Variants in KLHL1 observed in about 807,000 individuals in gnomAD.
KLHL1 encodes the protein kelch like family member 1.
A neutral mutation model predicts 77.7 loss-of-function variants in KLHL1; 47 were observed. That is an observed-to-expected ratio of 0.60 (90% CI 0.48 to 0.77). The LOEUF is 0.77. Among genes scored for constraint, KLHL1 ranks in the 30% least tolerant of loss-of-function variants. The pLI, the probability that KLHL1 is intolerant of heterozygous loss-of-function variation, is 0.00. For synonymous variants in KLHL1, 360 were observed against 325.2 expected (o/e 1.11, Z -1.15); for missense variants, 925 against 910.8 (o/e 1.02, Z -0.20).
At chr13:70,054,204 A>G (rs1010494707) in intron 1 of KLHL1, among the ~76,000 whole-genome samples, 2 of 152,138 alleles carry the variant, frequency 1.3e-5, no homozygotes, top group African/African-American at 2.4e-5. Flanking sequence ...ATGCTAAGAG[A>G]CAGTAATAAT....
intron 1 of KLHL1, among the ~76,000 whole-genome samples, chr13:70,023,884 C>T (rs1330508808): frequency 6.6e-6 from 1 of 151,814 alleles, no homozygotes; most frequent in Non-Finnish European, 1.5e-5. Flanking sequence ...GTTGGGTTGT[C>T]CCCTCTTAGT....
At chr13:69,811,776 A>G (rs2138063221) in intron 6 of KLHL1, among the ~76,000 whole-genome samples, 1 of 152,260 alleles carries the variant, frequency 6.6e-6, no homozygotes, top group African/African-American at 2.4e-5. Flanking sequence ...TATTGAGTCT[A>G]TTTGATTCTT....
intron 7 of KLHL1, among the ~76,000 whole-genome samples, chr13:69,788,499 C>G (rs556775792): frequency 2.0e-5 from 3 of 151,004 alleles, no homozygotes; most frequent in African/African-American, 7.3e-5. Flanking sequence ...CATCACACTT[C>G]GGGGACTGTT....
intron 4 of KLHL1, among the ~76,000 whole-genome samples, chr13:69,890,990 G>A (rs1378036227): frequency 6.6e-6 from 1 of 151,936 alleles, no homozygotes; most frequent in African/African-American, 2.4e-5. Context: ...CAGGTTTAAC[G>A]GTGTTTTCCT....
At chr13:69,998,401 T>C (rs1051015420) in intron 1 of KLHL1, among the ~76,000 whole-genome samples, 5 of 151,958 alleles carry the variant, frequency 3.3e-5, no homozygotes, top group Admixed American at 2.6e-4. Context: ...CAATAAACAT[T>C]GTCTGAGAGT....
intron 4 of KLHL1, among the ~76,000 whole-genome samples, chr13:69,889,283 T>C (rs1881338143): frequency 6.6e-6 from 1 of 151,602 alleles, no homozygotes; most frequent in Non-Finnish European, 1.5e-5. Flanking sequence ...AGTTGCTGAC[T>C]GAACTGTTGA....
intron 6 of KLHL1, among the ~76,000 whole-genome samples, chr13:69,815,984 C>T (rs976018062): frequency 2.0e-5 from 3 of 151,436 alleles, no homozygotes; most frequent in African/African-American, 7.3e-5. Flanking sequence ...GTATATAAAA[C>T]ATATTAATCA....
intron 6 of KLHL1, among the ~76,000 whole-genome samples, chr13:69,821,965 CA>C (rs1391672870): frequency 2.6e-5 from 4 of 152,000 alleles, no homozygotes; most frequent in Non-Finnish European, 5.9e-5. Context: ...TTTGAGAGGT[CA>C]AGGCAGGCAA....
chr13:70,093,719 C>T (rs1426725653), intron 1 of KLHL1, among the ~76,000 whole-genome samples: 1 of 152,074 alleles, frequency 6.6e-6, no homozygotes, highest in African/African-American at 2.4e-5. Context: ...TTTGTTTTCT[C>T]ATGGTATTTT....
chr13:69,735,209 T>C (rs1381864621), intron 8 of KLHL1, among the ~76,000 whole-genome samples: 2 of 151,798 alleles, frequency 1.3e-5, no homozygotes, highest in East Asian at 3.9e-4. Flanking sequence ...CTATGGAAGC[T>C]ACAGACAATA....
chr13:69,776,375 A>T (rs2137992664), intron 7 of KLHL1, among the ~76,000 whole-genome samples: 1 of 152,320 alleles, frequency 6.6e-6, no homozygotes, highest in Admixed American at 6.5e-5. Flanking sequence ...ATCTGCAGAG[A>T]ATTCTAGAAC....
At position 69,882,359 on chromosome 13, in the gene KLHL1, T is replaced by A. The variant is rs1408046771; in HGVS notation, c.1151A>T (p.Lys384Met). The change falls in exon 5 of 11, where the codon AAG (lysine) becomes ATG (methionine). Residue 384 changes from lysine to methionine, a missense_variant. Coordinates refer to ENST00000377844, the MANE Select transcript of KLHL1 (RefSeq NM_020866.3). ...TIFHALMMWV[K>M]YDMQSRCNDL... ...ATTGCATCTACTCTGCATGTCATACTTGACCCACATCATCAATGCATGGAA... is the reference window on the plus strand; with the variant it reads ...ATTGCATCTACTCTGCATGTCATACATGACCCACATCATCAATGCATGGAA... The A allele has an allele frequency of 6.2e-7, 1 of 1,614,008 alleles. No homozygotes were observed. Among genetic ancestry groups the A allele is most frequent in the Non-Finnish European group, 8.5e-7 (1 of 1,179,886 alleles).
intron 1 of KLHL1, among the ~76,000 whole-genome samples, chr13:70,005,417 C>T (rs1240054043): frequency 6.6e-6 from 1 of 151,982 alleles, no homozygotes; most frequent in African/African-American, 2.4e-5. Flanking sequence ...TAGCTTAGAA[C>T]GTGGCCCAAC....
chr13:69,828,699 CT>C (rs1878640895), intron 6 of KLHL1, among the ~76,000 whole-genome samples: 1 of 150,204 alleles, frequency 6.7e-6, no homozygotes, highest in African/African-American at 2.5e-5. Flanking sequence ...TGGATATAAA[CT>C]CCAGGCTGAT....
At chr13:70,057,994 T>G (rs1278293593) in intron 1 of KLHL1, among the ~76,000 whole-genome samples, 1 of 152,000 alleles carries the variant, frequency 6.6e-6, no homozygotes, top group Admixed American at 6.6e-5. Flanking sequence ...AAAAACCATA[T>G]CATAATTTCA....
chr13:69,857,610 T>A (rs1017503532), intron 5 of KLHL1, among the ~76,000 whole-genome samples: 1 of 152,126 alleles, frequency 6.6e-6, no homozygotes, highest in Non-Finnish European at 1.5e-5. Flanking sequence ...CATTTGTATA[T>A]GCTCAGTCAG....
chr13:69,942,458 C>A (rs1339734106), intron 3 of KLHL1, among the ~76,000 whole-genome samples: 1 of 147,618 alleles, frequency 6.8e-6, no homozygotes, highest in African/African-American at 2.6e-5. Flanking sequence ...TAGATTTCTC[C>A]TTTTCATCAT....
At chr13:69,766,264 ATAAGT>A (rs567859476) in intron 7 of KLHL1, among the ~76,000 whole-genome samples, 61 of 151,958 alleles carry the variant, frequency 4.0e-4, no homozygotes, top group African/African-American at 1.4e-3. Context: ...CCTCAAAGGT[ATAAGT>A]TTTTCATAAA....
At chr13:69,743,656 C>T (rs565756700) in intron 7 of KLHL1, among the ~76,000 whole-genome samples, 4 of 151,690 alleles carry the variant, frequency 2.6e-5, no homozygotes, top group South Asian at 2.1e-4. Flanking sequence ...CATGGTGATG[C>T]GTGCCTGTAA....
Sources: gnomAD v4.1 joint callset for allele counts (sites outside exome capture counted in the v4.1 genomes callset) on GRCh38, gnomAD v4.1.1 for gene constraint, MANE v1.5 for transcripts, NCBI Gene and HGNC (gene_info 2026-07-23, HGNC 2026-07-21) for gene names.